The following KCNIP1 variants were observed in gnomAD, a reference collection of about 807,000 sequenced individuals.
The protein encoded by KCNIP1 is A-type potassium channel modulatory protein KCNIP1.
Under a neutral mutation model 33.0 loss-of-function variants are expected in KCNIP1, and 18 were observed. That is an observed-to-expected ratio of 0.55 (90% CI 0.38 to 0.81). The LOEUF (loss-of-function observed/expected upper bound fraction) is 0.81. KCNIP1 is among the 30% of genes least tolerant of loss of function. KCNIP1 has a pLI of 0.00. For missense variants in KCNIP1, 238 were observed against 271.6 expected (o/e 0.88, Z 0.87); for synonymous variants, 93 against 98.3 (o/e 0.95, Z 0.32).
At chr5:170,574,450 T>C (rs1156476808) in intron 1 of KCNIP1, among the ~76,000 whole-genome samples, 1 of 152,182 alleles carries the variant, frequency 6.6e-6, no homozygotes, top group Non-Finnish European at 1.5e-5. Context: ...ATAGTGGTGG[T>C]CTGTTGGATC....
chr5:170,482,316 A>G (rs1439337763), intron 1 of KCNIP1, among the ~76,000 whole-genome samples: 1 of 152,190 alleles, frequency 6.6e-6, no homozygotes, highest in East Asian at 1.9e-4. Context: ...GGTTCAAAGA[A>G]GGGTATAATT....
intron 1 of KCNIP1, among the ~76,000 whole-genome samples, chr5:170,615,075 C>T (rs909126846): frequency 6.6e-6 from 1 of 152,074 alleles, no homozygotes; most frequent in African/African-American, 2.4e-5. Context: ...AATAGCTGGG[C>T]GTGGTGGTAG....
rs140299038 is a variant in KCNIP1, at chr5:170,652,482, T to TAAA, written c.62-66260_62-66258dup. Among the ~76,000 whole-genome samples the TAAA allele has an allele frequency of 3.6e-4, 40 of 109,776 alleles. No homozygotes were observed. The South Asian group carries it at 4.5e-3, about 12-fold the overall frequency. The allele number at this position is 109,776 out of a possible 152,430, so 72.0% of individuals were successfully genotyped here. A position where few individuals can be genotyped will look rare whatever the true frequency, so the allele number is the denominator to read the frequency against. ...CCTGGGCAACAGATTGAGACCCTAT[T>TAAA]AAAAAAAAAAAAAAAAAAGGAAGGA... On this transcript the variant is annotated intron_variant, in intron 1 of 7. Transcript: ENST00000328939.
chr5:170,684,602 T>C (rs1041495623), intron 1 of KCNIP1, among the ~76,000 whole-genome samples: 2 of 152,250 alleles, frequency 1.3e-5, no homozygotes, highest in Non-Finnish European at 2.9e-5. Flanking sequence ...TTTGGAATGC[T>C]AGTGAATGTA....
intron 1 of KCNIP1, among the ~76,000 whole-genome samples, chr5:170,710,689 T>A (rs11953743): frequency 0.16 from 24,265 of 152,224 alleles, 2,329 homozygotes; most frequent in African/African-American, 0.26. Context: ...GATTTTTTTT[T>A]AAATCCTTTT....
Position 170,621,018 on chromosome 5 carries a change from G to C in KCNIP1, c.62-97740G>C, listed in dbSNP as rs191815658. ...TGGTCACACTGGGAAGCTGTGGCAGGGAAGCTGGAGAAAAAGCAAGATAGG... is the reference window on the plus strand; with the variant it reads ...TGGTCACACTGGGAAGCTGTGGCAGCGAAGCTGGAGAAAAAGCAAGATAGG... On this transcript the variant is annotated intron_variant, in intron 1 of 7. Coordinates refer to ENST00000328939, the MANE Select transcript of KCNIP1 (RefSeq NM_014592.4). Among the ~76,000 whole-genome samples, 318 of 152,204 alleles carry C rather than the reference G, an allele frequency of 2.1e-3. 2 individuals are homozygous for C. The highest frequency in any genetic ancestry group is 5.4e-3 in the Admixed American group (82 of 15,274).
chr5:170,375,947 A>G (rs1368017285), intron 1 of KCNIP1: 2 of 152,186 alleles, frequency 1.3e-5, no homozygotes, highest in African/African-American at 4.8e-5. Flanking sequence ...GAACCCAAAC[A>G]GTGCACATCC....
chr5:170,700,561 C>T (rs571908167), intron 1 of KCNIP1, among the ~76,000 whole-genome samples: 1 of 152,012 alleles, frequency 6.6e-6, no homozygotes, highest in African/African-American at 2.4e-5. Flanking sequence ...AGAGTGAGAC[C>T]CTGTCTCAAA....
chr5:170,712,918 G>T, intron 1 of KCNIP1: 10 of 1,587,706 alleles, frequency 6.3e-6, no homozygotes, highest in Non-Finnish European at 8.7e-6. Context: ...CCTGACTTTG[G>T]TCACATGACT....
chr5:170,622,847 C>T (rs969732511), intron 1 of KCNIP1, among the ~76,000 whole-genome samples: 1 of 152,140 alleles, frequency 6.6e-6, no homozygotes, highest in Non-Finnish European at 1.5e-5. Flanking sequence ...GGATAAGTAG[C>T]TGTTGCTTTA....
intron 1 of KCNIP1, among the ~76,000 whole-genome samples, chr5:170,512,089 G>C (rs1174092914): frequency 6.6e-6 from 1 of 152,146 alleles, no homozygotes; most frequent in Non-Finnish European, 1.5e-5. Flanking sequence ...AATGATTGGG[G>C]GCAGAAGGCC....
chr5:170,623,615 C>G (rs4867617), intron 1 of KCNIP1, among the ~76,000 whole-genome samples: 72,367 of 151,884 alleles, frequency 0.48, 17,832 homozygotes, highest in East Asian at 0.67. Flanking sequence ...TCAGACGAAA[C>G]CGATGCGAAA....
intron 1 of KCNIP1, among the ~76,000 whole-genome samples, chr5:170,508,649 G>A (rs1405213358): frequency 6.6e-6 from 1 of 152,142 alleles, no homozygotes; most frequent in Non-Finnish European, 1.5e-5. Flanking sequence ...TTGTGCTTTG[G>A]TCTTTACCCA....
At chr5:170,608,921 G>A (rs531785479) in intron 1 of KCNIP1, among the ~76,000 whole-genome samples, 1 of 152,120 alleles carries the variant, frequency 6.6e-6, no homozygotes, top group Non-Finnish European at 1.5e-5. Context: ...AGTCCCGGGC[G>A]GAGGCAGGGA....
intron 1 of KCNIP1, among the ~76,000 whole-genome samples, chr5:170,644,861 CAG>C (rs890744151): frequency 5.9e-5 from 9 of 152,242 alleles, no homozygotes; most frequent in Non-Finnish European, 1.2e-4. Context: ...CCAGTGGGGA[CAG>C]AGAATCCCTG....
intron 1 of KCNIP1, among the ~76,000 whole-genome samples, chr5:170,556,321 T>C (rs1756845185): frequency 6.6e-6 from 1 of 152,216 alleles, no homozygotes. Context: ...AAACTCAAGT[T>C]CTTCTTGGAG....
At chr5:170,589,808 C>T (rs1394943939) in intron 1 of KCNIP1, among the ~76,000 whole-genome samples, 3 of 149,844 alleles carry the variant, frequency 2.0e-5, no homozygotes, top group African/African-American at 7.3e-5. Context: ...CGGTGCGGTG[C>T]GGTGCGGTGT....
chr5:170,424,250 A>T (rs1167007199), intron 1 of KCNIP1, among the ~76,000 whole-genome samples: 1 of 152,150 alleles, frequency 6.6e-6, no homozygotes, highest in Admixed American at 6.5e-5. Flanking sequence ...GCTGCCATTT[A>T]TCGAAGGCCT....
intron 1 of KCNIP1, among the ~76,000 whole-genome samples, chr5:170,488,664 G>A (rs936694254): frequency 1.3e-5 from 2 of 152,194 alleles, no homozygotes; most frequent in Non-Finnish European, 2.9e-5. Context: ...GGTCTCAGAA[G>A]GTAGAGAGAG....
Sources: gnomAD v4.1 joint callset for allele counts (sites outside exome capture counted in the v4.1 genomes callset) on GRCh38, gnomAD v4.1.1 for gene constraint, MANE v1.5 for transcripts, NCBI Gene and HGNC (gene_info 2026-07-23, HGNC 2026-07-21) for gene names.